The following CENPK variants were observed in gnomAD, a reference collection of about 807,000 sequenced individuals.
CENPK encodes centromere protein K, also known as SoxLZ/Sox6-binding protein Solt.
In CENPK, 46 loss-of-function variants were observed where a neutral mutation model predicts 40.9. The ratio of observed to expected loss-of-function variants is 1.13; its 90% CI spans 0.89 to 1.44. CENPK has a LOEUF of 1.44. CENPK is among the 40% of genes most tolerant of loss of function. The pLI, the probability that CENPK is intolerant of heterozygous loss-of-function variation, is 0.00. For missense variants in CENPK, 288 were observed against 303.5 expected (o/e 0.95, Z 0.38); for synonymous variants, 107 against 104.4 (o/e 1.02, Z -0.15).
chr5:65,528,566 T>C lies in CENPK; in HGVS notation c.483A>G (p.Glu161=). ...TTATATTAAGCATTTTAGTTTTCAG[T>C]TCATTAAAGATTCTAATAGATTAAA... The part of the protein sequence containing the change: ...ETFSESRIFN[E]LKTKMLNIKE... The change falls in exon 9 of 11, where the codon GAA becomes GAG. Residue 161 remains glutamate (E), a synonymous_variant. Coordinates refer to ENST00000396679, the MANE Select transcript of CENPK (RefSeq NM_022145.5). 1 of 1,552,322 alleles carries C rather than the reference T, an allele frequency of 6.4e-7. No homozygotes were observed. Among genetic ancestry groups the C allele is most frequent in the Non-Finnish European group, 8.7e-7 (1 of 1,155,500 alleles).
chr5:65,531,653 G>A (rs973567505), intron 6 of CENPK, among the ~76,000 whole-genome samples: 3 of 151,988 alleles, frequency 2.0e-5, no homozygotes, highest in Non-Finnish European at 2.9e-5. Flanking sequence ...ACAGGTGCAT[G>A]CCACCATACC....
rs1231746887 is a variant in CENPK, at chr5:65,528,515, ACT to A, written c.532_533del (p.Ser178TyrfsTer14). ...NIKEYKEKLLSTLGEFLEDHF... is the reference protein window; with the variant it reads ...NIKEYKEKLLXTLGEFLEDHF... ...GGTCTTCTAGAAACTCGCCCAAGGT[ACT>A]CAAGAGTTTCTCCTTATATTCTTTT... On this transcript the variant is annotated frameshift_variant, in exon 9 of 11. Transcript: ENST00000396679. LOFTEE classifies it high-confidence loss of function. 3.1e-6 allele frequency: 5 copies of A among 1,605,822 alleles called. No homozygotes were observed.
the CENPK span, among the ~76,000 whole-genome samples, chr5:65,503,110 ATT>A: frequency 4.6e-4 from 58 of 126,812 alleles, 1 homozygote; most frequent in South Asian, 1.3e-3. Flanking sequence ...CCAATGTAAT[ATT>A]TTTTTTTTTT....
chr5:65,520,550 T>C (rs574298137), intron 10 of CENPK, among the ~76,000 whole-genome samples: 1 of 152,168 alleles, frequency 6.6e-6, no homozygotes, highest in Non-Finnish European at 1.5e-5. Context: ...ACTACAGTCA[T>C]CTTAGTTTCA....
intron 9 of CENPK, 49 bp downstream of exon 9, chr5:65,528,403 A>G (rs2150371376): frequency 1.3e-6 from 2 of 1,538,706 alleles, no homozygotes; most frequent in South Asian, 2.5e-5. Context: ...ACCCACCTAA[A>G]ATAATTTCAA....
At chr5:65,521,691 C>T (rs1276564695) in intron 9 of CENPK, among the ~76,000 whole-genome samples, 163 bp from the exon 10 acceptor site, 1 of 152,182 alleles carries the variant, frequency 6.6e-6, no homozygotes, top group Non-Finnish European at 1.5e-5. Context: ...ACCTCCGCCT[C>T]CCGGATTCAA....
chr5:65,562,992 G>A, intron 1 of CENPK, 106 bp downstream of exon 1: 1 of 198,380 alleles, frequency 5.0e-6, no homozygotes, highest in Middle Eastern at 2.0e-3. Context: ...TCAAAGCCCG[G>A]CTGGGAAGTC....
At chr5:65,517,623 A>G (rs1031682524), downstream of CENPK, 11 of 152,190 alleles carry the variant, frequency 7.2e-5, no homozygotes, top group African/African-American at 2.7e-4. Context: ...AAACAAATTT[A>G]TCTTAGAAAA....
chr5:65,552,203 C>A (rs1196440280), intron 4 of CENPK, among the ~76,000 whole-genome samples: 2 of 151,786 alleles, frequency 1.3e-5, no homozygotes, highest in Non-Finnish European at 2.9e-5. Flanking sequence ...AACAAGGCAG[C>A]GTAATAGCAA....
intron 9 of CENPK, 83 bp from the exon 10 acceptor site, chr5:65,521,611 T>C (rs1743767616): frequency 3.2e-6 from 3 of 944,232 alleles, no homozygotes; most frequent in Admixed American, 4.7e-5. Flanking sequence ...ATAAGACTTT[T>C]ATTTCTGAGA....
At chr5:65,531,096 G>A (rs1297602476) in intron 6 of CENPK, among the ~76,000 whole-genome samples, 13 of 151,858 alleles carry the variant, frequency 8.6e-5, no homozygotes, top group Non-Finnish European at 1.9e-4. Flanking sequence ...GTTCAAGGCT[G>A]CAGTGAGCTA....
chr5:65,535,053 A>G (rs895477486), intron 6 of CENPK, among the ~76,000 whole-genome samples: 4 of 152,046 alleles, frequency 2.6e-5, no homozygotes, highest in Non-Finnish European at 5.9e-5. Flanking sequence ...CCATCTCTAC[A>G]AAAAAATACA....
chr5:65,518,352 A>AAT lies in CENPK; in HGVS notation c.*121_*122dup. ...TAGATGGCAGCACATGCCATTTTGC[A>AAT]ATAAAAGTAAGATGGCCTATGCGCA... On this transcript the variant is annotated 3_prime_UTR_variant, in exon 11 of 11. Coordinates refer to ENST00000396679, the MANE Select transcript of CENPK (RefSeq NM_022145.5). The AAT allele has an allele frequency of 1.1e-6, 1 of 902,212 alleles. No individual in the cohort carries two copies. Among genetic ancestry groups the AAT allele is most frequent in the Non-Finnish European group, 1.7e-6 (1 of 594,904 alleles). The allele number at this position is 902,212 out of a possible 1,614,324, so 55.9% of individuals were successfully genotyped here. A position where few individuals can be genotyped will look rare whatever the true frequency, so the allele number is the denominator to read the frequency against.
At chr5:65,545,762 C>T (rs1459171895) in intron 5 of CENPK, among the ~76,000 whole-genome samples, 4 of 152,156 alleles carry the variant, frequency 2.6e-5, no homozygotes, top group Non-Finnish European at 5.9e-5. Flanking sequence ...GGAGATGGAT[C>T]CCTCCTCAAG....
chr5:65,507,536 G>A, the CENPK span, among the ~76,000 whole-genome samples: 2 of 152,020 alleles, frequency 1.3e-5, no homozygotes, highest in Non-Finnish European at 2.9e-5. Context: ...TTATGTTTAA[G>A]GCTTGTCACT....
chr5:65,552,353 A>G (rs566256898), intron 4 of CENPK, 140 bp downstream of exon 4: 3 of 468,118 alleles, frequency 6.4e-6, no homozygotes, highest in African/African-American at 4.0e-5. Context: ...CAGGAAGAGT[A>G]AGAAGTTTTC....
chr5:65,548,936 A>T (rs898647461), intron 5 of CENPK, among the ~76,000 whole-genome samples: 1 of 152,092 alleles, frequency 6.6e-6, no homozygotes, highest in African/African-American at 2.4e-5. Flanking sequence ...TCCTTCCATA[A>T]ATCACACATG....
intron 8 of CENPK, 47 bp from the exon 9 acceptor site, chr5:65,528,625 A>G: frequency 1.4e-6 from 2 of 1,449,052 alleles, no homozygotes; most frequent in Non-Finnish European, 1.8e-6. Flanking sequence ...GATAAAACAC[A>G]TACACACATG....
At chr5:65,529,398 T>C (rs576640467) in intron 6 of CENPK, 199 bp from the exon 7 acceptor site, 86 of 471,318 alleles carry the variant, frequency 1.8e-4, no homozygotes, top group Admixed American at 2.7e-4. Flanking sequence ...AATTAAAAAA[T>C]ACAAGAGGTT....
Sources: allele counts gnomAD v4.1 joint callset (sites outside exome capture counted in the v4.1 genomes callset), GRCh38; gene constraint gnomAD v4.1.1; transcripts MANE v1.5; gene names NCBI Gene and HGNC (gene_info 2026-07-23, HGNC 2026-07-21).